Variants in EDNRB observed in about 807,000 individuals in gnomAD.
EDNRB encodes Hirschsprung disease 2.
EDNRB carries 18 observed loss-of-function variants against 46.4 expected under a neutral mutation model. That is an observed-to-expected ratio of 0.39 (90% CI 0.27 to 0.57). The LOEUF (loss-of-function observed/expected upper bound fraction) is 0.57, where lower values mean the gene tolerates loss of function less well. EDNRB is among the 20% of genes least tolerant of loss of function. EDNRB has a pLI of 0.61. For synonymous variants in EDNRB, 213 were observed against 204.9 expected, an observed-to-expected ratio of 1.04 and a Z score of -0.34; for missense variants, 434 against 537.5, an observed-to-expected ratio of 0.81 and a Z score of 1.90.
At chr13:77,929,621 GCGGGTGACT>G (rs2137652508) in intron 1 of EDNRB, among the ~76,000 whole-genome samples, 2 of 152,260 alleles carry the variant, frequency 1.3e-5, no homozygotes, top group East Asian at 3.9e-4. Context: ...TTTGTACAAG[GCGGGTGACT>G]ATTCCAACAC....
intron 1 of EDNRB, among the ~76,000 whole-genome samples, chr13:77,913,215 C>T (rs555408063): frequency 7.9e-5 from 12 of 152,252 alleles, no homozygotes; most frequent in African/African-American, 2.6e-4. Flanking sequence ...TTTGTGGGTT[C>T]AGTGAAGCAA....
At chr13:77,920,754 T>C (rs1184094657), upstream of EDNRB, among the ~76,000 whole-genome samples, 2 of 152,240 alleles carry the variant, frequency 1.3e-5, no homozygotes, top group Non-Finnish European at 2.9e-5. Flanking sequence ...CCCTGTCTCG[T>C]AAGAACGAGG....
chr13:77,962,943 T>C (rs1270833704), intron 1 of EDNRB, among the ~76,000 whole-genome samples: 1 of 152,182 alleles, frequency 6.6e-6, no homozygotes, highest in Non-Finnish European at 1.5e-5. Context: ...ACAAAATCAA[T>C]GTGCAAAAAT....
At chr13:77,960,593 G>A (rs1016459284) in intron 1 of EDNRB, among the ~76,000 whole-genome samples, 7 of 152,276 alleles carry the variant, frequency 4.6e-5, no homozygotes, top group African/African-American at 1.2e-4. Context: ...ATGCCAAATT[G>A]TAAAGACCAT....
Position 77,955,317 on chromosome 13 carries a change from T to C in EDNRB, c.-52+20030A>G, listed in dbSNP as rs550794033. ...TTCCTTGCCTTTTTAAAAATTAAAT[T>C]GTTCATTTTCTTGCTATTGAGTCTT... On this transcript the variant is annotated intron_variant, in intron 1 of 7. Coordinates refer to the EDNRB transcript ENST00000646948. 2.5e-4 allele frequency among the ~76,000 whole-genome samples: 38 copies of C among 152,274 alleles called. No individual in the cohort carries two copies. The East Asian group carries it at 5.2e-3, about 21-fold the overall frequency.
intron 1 of EDNRB, among the ~76,000 whole-genome samples, chr13:77,954,982 T>C (rs1156885265): frequency 6.6e-6 from 1 of 152,172 alleles, no homozygotes; most frequent in African/African-American, 2.4e-5. Context: ...AGATACATAC[T>C]CAGAAGTGAA....
At chr13:77,954,974 A>G (rs1010082615) in intron 1 of EDNRB, among the ~76,000 whole-genome samples, 4 of 152,176 alleles carry the variant, frequency 2.6e-5, no homozygotes, top group African/African-American at 7.2e-5. Flanking sequence ...ATTCTTTTAG[A>G]TACATACTCA....
chr13:77,935,210 C>T (rs1017783067), intron 1 of EDNRB, among the ~76,000 whole-genome samples: 2 of 152,206 alleles, frequency 1.3e-5, no homozygotes, highest in East Asian at 1.9e-4. Context: ...GGCCGCCACA[C>T]GCAAACTTGA....
At chr13:77,957,951 A>T (rs1443363480) in intron 1 of EDNRB, among the ~76,000 whole-genome samples, 1 of 152,210 alleles carries the variant, frequency 6.6e-6, no homozygotes, top group African/African-American at 2.4e-5. Context: ...TTTTTGCTAT[A>T]TGTTAGAGTC....
At chr13:77,944,663 G>A (rs1341634343) in intron 1 of EDNRB, 1 of 152,094 alleles carries the variant, frequency 6.6e-6, no homozygotes, top group Non-Finnish European at 1.5e-5. Context: ...GGTATAATTT[G>A]TGAAGTTCTT....
At chr13:77,963,606 T>C (rs113919113) in intron 1 of EDNRB, among the ~76,000 whole-genome samples, 45 of 152,246 alleles carry the variant, frequency 3.0e-4, no homozygotes, top group African/African-American at 9.6e-4. Context: ...TTACACCTTA[T>C]ACAAAAATTA....
At chr13:77,955,358 A>C (rs762109793) in intron 1 of EDNRB, among the ~76,000 whole-genome samples, 9 of 152,104 alleles carry the variant, frequency 5.9e-5, no homozygotes, top group Non-Finnish European at 1.0e-4. Context: ...TTTCTTATAT[A>C]CTTTGGATAG....
intron 1 of EDNRB, among the ~76,000 whole-genome samples, chr13:77,905,298 A>G (rs74910628): frequency 6.6e-6 from 1 of 152,048 alleles, no homozygotes; most frequent in Non-Finnish European, 1.5e-5. Context: ...TGATTTTTCT[A>G]AAGAACCCAG....
chr13:77,909,522 AAAGTT>A (rs1209111987), intron 1 of EDNRB, among the ~76,000 whole-genome samples: 4 of 152,090 alleles, frequency 2.6e-5, no homozygotes, highest in Non-Finnish European at 4.4e-5. Flanking sequence ...AGGAAATGTC[AAAGTT>A]AACCATCTTG....
chr13:77,936,507 C>A (rs1234565105), intron 1 of EDNRB, among the ~76,000 whole-genome samples: 2 of 152,112 alleles, frequency 1.3e-5, no homozygotes, highest in East Asian at 1.9e-4. Context: ...AGGGGGCGGA[C>A]TTATCTTCCA....
intron 5 of EDNRB, 73 bp from the exon 6 acceptor site, chr13:77,900,040 C>A: frequency 7.6e-7 from 1 of 1,322,820 alleles, no homozygotes; most frequent in Non-Finnish European, 1.1e-6. Flanking sequence ...AGCTTCTGTG[C>A]TTTTGTAAGG....
intron 1 of EDNRB, among the ~76,000 whole-genome samples, chr13:77,962,621 C>CA (rs775289526): frequency 1.2e-3 from 183 of 152,260 alleles, no homozygotes; most frequent in Non-Finnish European, 2.2e-3. Context: ...GGACATATCT[C>CA]AAAATCATAA....
upstream of EDNRB, chr13:77,919,386 C>T (rs755971971): frequency 5.6e-6 from 9 of 1,606,906 alleles, no homozygotes; most frequent in South Asian, 9.9e-5. Context: ...ACACCAAGCC[C>T]GAATGTTTAC....
At position 77,912,811 on chromosome 13, in the gene EDNRB, T is replaced by C. The variant is rs560191188; in HGVS notation, c.483+5280A>G. 9.8e-5 allele frequency among the ~76,000 whole-genome samples: 15 copies of C among 152,308 alleles called. 1 individual carries two copies. Among genetic ancestry groups the C allele is most frequent in the African/African-American group, 3.6e-4 (15 of 41,572 alleles). On this transcript the variant is annotated intron_variant, in intron 1 of 6. Transcript: ENST00000646607. The stretch of plus-strand genomic sequence containing the variant: ...TTCCACTTTTGGTTCAGAATGCTTA[T>C]GCTGGTAAAATATCTTTAAATATTA...
Sources: gnomAD v4.1 joint callset for allele counts (sites outside exome capture counted in the v4.1 genomes callset) on GRCh38, gnomAD v4.1.1 for gene constraint, MANE v1.5 for transcripts, NCBI Gene and HGNC (gene_info 2026-07-23, HGNC 2026-07-21) for gene names.